Variants in A4GALT observed in about 807,000 individuals in gnomAD.
The protein encoded by A4GALT is alpha 1,4-galactosyltransferase (P1PK blood group).
For missense variants in A4GALT, 512 were observed against 486.0 expected (o/e 1.05, Z -0.50); for synonymous variants, 257 against 220.7 (o/e 1.16, Z -1.46).
rs764634112 is a variant in A4GALT, at chr22:42,692,917, C to A, written c.1035G>T (p.Thr345=). ...AQLHARYCPT[T]HEAMKMYL ...ACAAGTACATTTTCATGGCCTCGTG[C>A]GTCGTGGGGCAGTAGCGGGCATGCA... Residue 345 remains threonine, a synonymous_variant, in exon 3 of 3, where the codon ACG becomes ACT. Coordinates refer to ENST00000642412, the MANE Select transcript of A4GALT (RefSeq NM_017436.7). The surrounding 1 kb of genome is among the most constrained non-coding windows in gnomAD (Gnocchi z 4.6). 1 of 1,606,284 alleles carries A rather than the reference C, an allele frequency of 6.2e-7. No individual in the cohort carries two copies. Among genetic ancestry groups the A allele is most frequent in the Non-Finnish European group, 8.5e-7 (1 of 1,179,836 alleles).
chr22:42,710,997 C>T (rs62238306), intron 1 of A4GALT, among the ~76,000 whole-genome samples: 1,863 of 150,300 alleles, frequency 0.012, 19 homozygotes, highest in Non-Finnish European at 0.021. Flanking sequence ...TGCACTCCAG[C>T]GTAGATGACA....
intron 1 of A4GALT, among the ~76,000 whole-genome samples, chr22:42,719,626 C>A (rs753255256): frequency 9.9e-5 from 15 of 152,120 alleles, no homozygotes; most frequent in Non-Finnish European, 2.2e-4. Flanking sequence ...AGGTTTGAGG[C>A]TGGAAGAGGG....
chr22:42,713,215 G>C (rs1921847490), intron 1 of A4GALT, among the ~76,000 whole-genome samples: 1 of 152,180 alleles, frequency 6.6e-6, no homozygotes, highest in Non-Finnish European at 1.5e-5. Flanking sequence ...TGACCTCTTA[G>C]AGCGGCTCCA....
At chr22:42,708,692 A>G (rs1370305488) in intron 1 of A4GALT, among the ~76,000 whole-genome samples, 1 of 152,138 alleles carries the variant, frequency 6.6e-6, no homozygotes, top group African/African-American at 2.4e-5. Context: ...CCACCAACTA[A>G]CCTAATCAAG....
chr22:42,714,908 G>A (rs1602025914), intron 1 of A4GALT, among the ~76,000 whole-genome samples: 2 of 152,190 alleles, frequency 1.3e-5, no homozygotes, highest in Non-Finnish European at 1.5e-5. Context: ...GGACATTTGC[G>A]CTGAGGCCTG....
intron 1 of A4GALT, among the ~76,000 whole-genome samples, chr22:42,706,493 A>G (rs1198728535): frequency 6.6e-6 from 1 of 151,728 alleles, no homozygotes; most frequent in Non-Finnish European, 1.5e-5. Flanking sequence ...GTAACTTAGA[A>G]TGGTTAAAAA....
intron 1 of A4GALT, among the ~76,000 whole-genome samples, chr22:42,702,335 A>G (rs967396915): frequency 1.6e-4 from 20 of 128,628 alleles, no homozygotes; most frequent in African/African-American, 4.8e-4. Context: ...AGAGGAACAC[A>G]CTCTTTTTTT....
rs1255347810 is a variant in A4GALT, at chr22:42,692,369, G to C, written c.*521C>G. ...CACTTCTGGGCCTCTGCCCCACTCA[G>C]TCCCTGTTGACCTCCCCCACCCCCC... On this transcript the variant is annotated 3_prime_UTR_variant, in exon 3 of 3. Transcript: ENST00000642412. This position sits in a 1 kb window ranked among gnomAD's most constrained non-coding sequence, Gnocchi z 4.6. 2 of 308,948 alleles carry C rather than the reference G, an allele frequency of 6.5e-6. No individual in the cohort carries two copies. Among genetic ancestry groups the C allele is most frequent in the Admixed American group, 4.6e-5 (1 of 21,912 alleles). 19.1% of individuals were successfully genotyped at this position (308,948 alleles called of 1,614,324 possible). A position where few individuals can be genotyped will look rare whatever the true frequency, so the allele number is the denominator to read the frequency against.
At chr22:42,710,776 C>T (rs1028069178) in intron 1 of A4GALT, among the ~76,000 whole-genome samples, 9 of 151,968 alleles carry the variant, frequency 5.9e-5, no homozygotes, top group South Asian at 2.1e-4. Flanking sequence ...AATCCTAGCA[C>T]TTTGGGAGGC....
chr22:42,704,048 G>C (rs960126745), intron 1 of A4GALT, among the ~76,000 whole-genome samples: 3 of 152,134 alleles, frequency 2.0e-5, no homozygotes, highest in Non-Finnish European at 4.4e-5. Flanking sequence ...TCAATGCCCA[G>C]AGCTTCCAAA....
At chr22:42,699,681 A>G (rs562543856) in intron 1 of A4GALT, among the ~76,000 whole-genome samples, 1 of 152,302 alleles carries the variant, frequency 6.6e-6, no homozygotes, top group South Asian at 2.1e-4. Flanking sequence ...GGCCAGTCCC[A>G]TAGGAGCTCT....
Position 42,713,784 on chromosome 22 carries a change from C to T in A4GALT, c.-188+7013G>A, listed in dbSNP as rs575941900. Reference sequence around the variant, plus strand: ...CCAAGACCGTGCCATTGCACTCCAGCCTGGGCAACAAGAGCGAAACTCTGT... The same window carrying T: ...CCAAGACCGTGCCATTGCACTCCAGTCTGGGCAACAAGAGCGAAACTCTGT... On this transcript the variant is annotated intron_variant, in intron 1 of 2. Coordinates refer to ENST00000642412, the MANE Select transcript of A4GALT (RefSeq NM_017436.7). Among the ~76,000 whole-genome samples the T allele has an allele frequency of 2.0e-5, 3 of 146,438 alleles. No individual in the cohort carries two copies. In the South Asian group the frequency reaches 6.5e-4, roughly 32 times the overall value.
chr22:42,704,612 A>C lies in A4GALT; in HGVS notation c.-187-8981T>G, dbSNP rs5758879. Among the ~76,000 whole-genome samples, 1,757 of 152,046 alleles carry C rather than the reference A, an allele frequency of 0.012. 113 individuals carry two copies. In the East Asian group the frequency reaches 0.2, roughly 18 times the overall value. ...AAAATATTCTTCCTCCCAGGCCTTT[A>C]ACACCTCAGAAGCCAGGAATCAAGC... On this transcript the variant is annotated intron_variant, in intron 1 of 2. Transcript: ENST00000642412.
chr22:42,716,329 C>T (rs1038844138), intron 1 of A4GALT, among the ~76,000 whole-genome samples: 5 of 152,228 alleles, frequency 3.3e-5, no homozygotes, highest in South Asian at 2.1e-4. Flanking sequence ...GCACTGCTGA[C>T]GGGGTGAGAA....
intron 1 of A4GALT, among the ~76,000 whole-genome samples, chr22:42,711,419 G>A (rs1344471776): frequency 2.0e-5 from 3 of 152,168 alleles, no homozygotes; most frequent in African/African-American, 7.2e-5. Flanking sequence ...TTATCCTACA[G>A]ATGAATGACA....
intron 1 of A4GALT, among the ~76,000 whole-genome samples, chr22:42,706,715 A>C (rs1398791145): frequency 1.3e-5 from 2 of 151,780 alleles, no homozygotes; most frequent in East Asian, 3.9e-4. Context: ...GGATTACTTG[A>C]AACTGGGAGG....
chr22:42,692,631 T>C lies in A4GALT; in HGVS notation c.*259A>G, dbSNP rs1206345067. ...CCCTGAGGTTCATCCTTCCTGCCTG[T>C]TGTCTAGAAGGCCCGGGGCACTCAC... On this transcript the variant is annotated 3_prime_UTR_variant, in exon 3 of 3. Transcript: ENST00000642412. The surrounding 1 kb of genome is among the most constrained non-coding windows in gnomAD (Gnocchi z 4.6). 1.6e-6 allele frequency: 1 copy of C among 623,592 alleles called. No individual in the cohort carries two copies. The highest frequency in any genetic ancestry group is 3.0e-6 in the Non-Finnish European group (1 of 334,556). The allele number at this position is 623,592 out of a possible 1,614,324, so 38.6% of individuals were successfully genotyped here. A position where few individuals can be genotyped will look rare whatever the true frequency, so the allele number is the denominator to read the frequency against.
rs1424826727 is a variant in A4GALT, at chr22:42,693,139, G to A, written c.813C>T (p.Arg271=). 3.1e-6 allele frequency: 5 copies of A among 1,602,586 alleles called. No individual in the cohort carries two copies. The highest frequency in any genetic ancestry group is 1.1e-5 in the South Asian group (1 of 90,012). ...WCSIRSLAES[R]ACRGVTTLPP... Reference sequence around the variant, plus strand: ...GCAGGGTGGTGACGCCGCGGCAGGCGCGGCTCTCGGCCAGGCTGCGGATGG... The same window carrying A: ...GCAGGGTGGTGACGCCGCGGCAGGCACGGCTCTCGGCCAGGCTGCGGATGG... The change falls in exon 3 of 3, where the codon CGC becomes CGT. Residue 271 remains arginine, a synonymous_variant. Transcript: ENST00000642412.
At chr22:42,700,013 G>A (rs1931192713) in intron 1 of A4GALT, among the ~76,000 whole-genome samples, 1 of 152,146 alleles carries the variant, frequency 6.6e-6, no homozygotes, top group African/African-American at 2.4e-5. Context: ...TGTTAATTTG[G>A]AGAACCCCGA....
Sources: allele counts gnomAD v4.1 joint callset (sites outside exome capture counted in the v4.1 genomes callset), GRCh38; gene constraint gnomAD v4.1.1; non-coding constraint Gnocchi (gnomAD v3.1); transcripts MANE v1.5; gene names NCBI Gene and HGNC (gene_info 2026-07-23, HGNC 2026-07-21).